Variants in LYPLAL1 observed in about 807,000 individuals in gnomAD.
LYPLAL1 encodes the protein lysophospholipase-like protein 1.
Under a neutral mutation model 19.7 loss-of-function variants are expected in LYPLAL1, and 23 were observed. The observed-to-expected ratio is 1.17, with a 90% confidence interval of 0.84 to 1.65. The LOEUF (loss-of-function observed/expected upper bound fraction) is 1.65. Ranked by LOEUF, LYPLAL1 falls within the 40% of genes most tolerant of loss-of-function variation. The pLI is 0.00. For synonymous variants in LYPLAL1, 119 were observed against 96.3 expected (o/e 1.24, Z -1.38); for missense variants, 355 against 279.4 (o/e 1.27, Z -1.93).
At chr1:219,259,406 TAC>T in the LYPLAL1 span, among the ~76,000 whole-genome samples, 4 of 21,910 alleles carry the variant, frequency 1.8e-4, no homozygotes, top group South Asian at 3.9e-3. Flanking sequence ...GTGGTATATA[TAC>T]ATATATATAT....
the LYPLAL1 span, among the ~76,000 whole-genome samples, chr1:219,364,475 ATC>A: frequency 1.1e-4 from 16 of 151,996 alleles, no homozygotes; most frequent in Non-Finnish European, 2.4e-4. Context: ...TTCCTGATTA[ATC>A]TCTCTAATGT....
the LYPLAL1 span, among the ~76,000 whole-genome samples, chr1:219,360,862 T>C: frequency 2.6e-5 from 4 of 152,196 alleles, no homozygotes; most frequent in African/African-American, 9.7e-5. Context: ...GGTGGACTTC[T>C]CTACTGGAGA....
chr1:219,380,638 T>C, the LYPLAL1 span, among the ~76,000 whole-genome samples: 1 of 152,264 alleles, frequency 6.6e-6, no homozygotes, highest in Non-Finnish European at 1.5e-5. Flanking sequence ...AAACTAGGAT[T>C]TGATCATGGG....
At chr1:219,247,956 T>A in the LYPLAL1 span, among the ~76,000 whole-genome samples, 27 of 152,294 alleles carry the variant, frequency 1.8e-4, no homozygotes, top group African/African-American at 6.3e-4. Flanking sequence ...GGGATTTTTT[T>A]AATCCTTGAA....
At chr1:219,260,586 G>T in the LYPLAL1 span, among the ~76,000 whole-genome samples, 1 of 149,386 alleles carries the variant, frequency 6.7e-6, no homozygotes, top group East Asian at 1.9e-4. Flanking sequence ...ATACAGAGGG[G>T]TCGAATAATA....
chr1:219,423,358 G>A, the LYPLAL1 span, among the ~76,000 whole-genome samples: 2 of 152,134 alleles, frequency 1.3e-5, no homozygotes, highest in African/African-American at 2.4e-5. Flanking sequence ...TCTGTGTTAT[G>A]GTTATGTGTC....
chr1:219,302,480 G>A, the LYPLAL1 span, among the ~76,000 whole-genome samples: 391 of 152,204 alleles, frequency 2.6e-3, 2 homozygotes, highest in African/African-American at 8.9e-3. Context: ...GGAGGAGCAC[G>A]GTCCTCAGAA....
the LYPLAL1 span, among the ~76,000 whole-genome samples, chr1:219,228,459 A>ATATATAT: frequency 6.6e-6 from 1 of 152,026 alleles, no homozygotes; most frequent in Non-Finnish European, 1.5e-5. Context: ...TCCAATATAG[A>ATATATAT]AAACGTTCCC....
chr1:219,343,268 C>T, the LYPLAL1 span, among the ~76,000 whole-genome samples: 74 of 152,248 alleles, frequency 4.9e-4, no homozygotes, highest in Non-Finnish European at 9.4e-4. Context: ...AGCCCAAGGT[C>T]CTAGGGGAGA....
chr1:219,354,468 TTATTGGCGTGAGC>T, the LYPLAL1 span, among the ~76,000 whole-genome samples: 1 of 152,234 alleles, frequency 6.6e-6, no homozygotes, highest in African/African-American at 2.4e-5. Context: ...AGTGCTGGGA[TTATTGGCGTGAGC>T]CACCATGCCT....
chr1:219,438,122 G>A, the LYPLAL1 span, among the ~76,000 whole-genome samples: 1 of 152,138 alleles, frequency 6.6e-6, no homozygotes, highest in East Asian at 1.9e-4. Flanking sequence ...ATAGCAAGAG[G>A]CATAGGCCCC....
At chr1:219,431,322 T>C in the LYPLAL1 span, among the ~76,000 whole-genome samples, 3 of 152,200 alleles carry the variant, frequency 2.0e-5, no homozygotes, top group African/African-American at 7.2e-5. Flanking sequence ...GCCTCCCAAA[T>C]ACTTGTGAAT....
At chr1:219,347,128 T>C in the LYPLAL1 span, among the ~76,000 whole-genome samples, 16 of 152,342 alleles carry the variant, frequency 1.1e-4, no homozygotes, top group Non-Finnish European at 2.2e-4. Flanking sequence ...TTTGCTCTTA[T>C]TAACCATGAT....
the LYPLAL1 span, among the ~76,000 whole-genome samples, chr1:219,247,109 T>G: frequency 6.6e-6 from 1 of 152,312 alleles, no homozygotes; most frequent in East Asian, 1.9e-4. Flanking sequence ...TAATATCACA[T>G]CTGGTGCAGT....
the LYPLAL1 span, among the ~76,000 whole-genome samples, chr1:219,328,584 T>C: frequency 6.6e-6 from 1 of 152,196 alleles, no homozygotes; most frequent in Non-Finnish European, 1.5e-5. Flanking sequence ...TTTTCTTTGA[T>C]ACTTGATATA....
chr1:219,376,060 A>C, the LYPLAL1 span, among the ~76,000 whole-genome samples: 1 of 152,070 alleles, frequency 6.6e-6, no homozygotes, highest in Admixed American at 6.6e-5. Context: ...TGATTTTCTA[A>C]CTTACTACAA....
chr1:219,280,368 T>A, the LYPLAL1 span, among the ~76,000 whole-genome samples: 3 of 152,230 alleles, frequency 2.0e-5, no homozygotes, highest in Non-Finnish European at 4.4e-5. Flanking sequence ...CTATTATTCC[T>A]AATATCTTTA....
At chr1:219,276,741 A>G in the LYPLAL1 span, among the ~76,000 whole-genome samples, 1 of 152,200 alleles carries the variant, frequency 6.6e-6, no homozygotes. Context: ...TTTTTACATG[A>G]TGCCTAGACA....
the LYPLAL1 span, among the ~76,000 whole-genome samples, chr1:219,315,417 A>T: frequency 0.89 from 136,001 of 152,126 alleles, 60,810 homozygotes; most frequent in East Asian, 0.97. Context: ...AAAACTCCTC[A>T]TAAAAAGCTC....
Sources: allele counts gnomAD v4.1 joint callset (sites outside exome capture counted in the v4.1 genomes callset), GRCh38; gene constraint gnomAD v4.1.1; transcripts MANE v1.5; gene names NCBI Gene and HGNC (gene_info 2026-07-23, HGNC 2026-07-21).